Variants in TOPAZ1 observed in about 807,000 individuals in gnomAD.
TOPAZ1 encodes the protein testis and ovary specific TOPAZ 1.
A neutral mutation model predicts 172.2 loss-of-function variants in TOPAZ1; 66 were observed. The observed-to-expected ratio is 0.38, with a 90% confidence interval of 0.31 to 0.47. The LOEUF is 0.47. Ranked by LOEUF, TOPAZ1 falls within the 20% of genes least tolerant of loss-of-function variation. TOPAZ1 has a pLI of 0.99. For synonymous variants in TOPAZ1, 681 were observed against 683.9 expected (o/e 1.00, Z 0.07); for missense variants, 1,822 against 1,972.4 (o/e 0.92, Z 1.44).
chr3:44,273,030 G>A (rs973271818), intron 8 of TOPAZ1, among the ~76,000 whole-genome samples: 2 of 152,110 alleles, frequency 1.3e-5, no homozygotes, highest in Non-Finnish European at 2.9e-5. Flanking sequence ...ATCCTCTAAT[G>A]AGGGACTTAC....
At chr3:44,277,012 C>T (rs1033900354) in intron 8 of TOPAZ1, among the ~76,000 whole-genome samples, 2 of 151,938 alleles carry the variant, frequency 1.3e-5, no homozygotes, top group African/African-American at 2.4e-5. Context: ...AGGATGGTCT[C>T]GCTCTCCTGA....
At chr3:44,253,093 G>A (rs1352873975) in intron 2 of TOPAZ1, among the ~76,000 whole-genome samples, 5 of 152,170 alleles carry the variant, frequency 3.3e-5, no homozygotes, top group Admixed American at 2.0e-4. Flanking sequence ...GCTACAGAAT[G>A]TGCAAAAGCT....
At chr3:44,313,951 C>A (rs1700424738) in intron 16 of TOPAZ1, among the ~76,000 whole-genome samples, 1 of 152,180 alleles carries the variant, frequency 6.6e-6, no homozygotes, top group African/African-American at 2.4e-5. Flanking sequence ...TTATGAAATA[C>A]CCTTGCCAAC....
At chr3:44,334,865 G>C (rs758335808), downstream of TOPAZ1, among the ~76,000 whole-genome samples, 2 of 152,154 alleles carry the variant, frequency 1.3e-5, no homozygotes, top group African/African-American at 2.4e-5. Context: ...GAGCCCTTCT[G>C]ATATCAACAA....
At chr3:44,293,229 TAATA>T (rs1333431679) in intron 12 of TOPAZ1, among the ~76,000 whole-genome samples, 2 of 152,240 alleles carry the variant, frequency 1.3e-5, no homozygotes, top group African/African-American at 2.4e-5. Context: ...TTGATAATGA[TAATA>T]AATTAGTGTT....
At chr3:44,249,217 A>AG (rs1304265157) in intron 2 of TOPAZ1, among the ~76,000 whole-genome samples, 1 of 149,708 alleles carries the variant, frequency 6.7e-6, no homozygotes, top group African/African-American at 2.5e-5. Context: ...CCAAAAATTC[A>AG]GGGGAATTAC....
intron 5 of TOPAZ1, among the ~76,000 whole-genome samples, chr3:44,262,968 A>T (rs929315965): frequency 6.6e-6 from 1 of 152,182 alleles, no homozygotes; most frequent in Non-Finnish European, 1.5e-5. Flanking sequence ...AGGACAGGTG[A>T]TGGATGCATT....
chr3:44,243,383 T>C lies in TOPAZ1; in HGVS notation c.877T>C (p.Leu293=). ...TEENVMGVNK[L]LPEESDLYQS... is the part of the protein sequence containing the mutation. Reference sequence around the variant, plus strand: ...AGAAAATGTAATGGGAGTAAATAAGTTACTACCAGAAGAGAGTGATTTATA... The same window carrying C: ...AGAAAATGTAATGGGAGTAAATAAGCTACTACCAGAAGAGAGTGATTTATA... Residue 293 remains leucine, a synonymous_variant, in exon 2 of 20, where the codon TTA becomes CTA. Coordinates refer to ENST00000309765, the MANE Select transcript of TOPAZ1 (RefSeq NM_001145030.2). 6.4e-7 allele frequency: 1 copy of C among 1,550,920 alleles called. No homozygotes were observed. Among genetic ancestry groups the C allele is most frequent in the East Asian group, 2.4e-5 (1 of 40,890 alleles).
chr3:44,321,695 G>C (rs1246996363), intron 17 of TOPAZ1, among the ~76,000 whole-genome samples: 2 of 152,126 alleles, frequency 1.3e-5, no homozygotes, highest in African/African-American at 4.8e-5. Context: ...AGGTTCAGAG[G>C]ATGACGAAAA....
rs1700093726 is a variant in TOPAZ1 at position 44,287,540 on chromosome 3, G to A, written c.3588G>A (p.Leu1196=). The change falls in exon 10 of 20, where the codon CTG becomes CTA. Residue 1196 remains leucine, a splice_region_variant and synonymous_variant. Transcript: ENST00000309765. ...ACCTCAGCATAATGGTTAAAATGCT[G>A]GTAAGTAGCCTGAAAATATATGTTA... ...IVNLSIMVKM[L]PSLKILLNIF... is the part of the protein sequence containing the mutation. The A allele has an allele frequency of 6.8e-7, 1 of 1,470,598 alleles. No individual in the cohort carries two copies. Among genetic ancestry groups the A allele is most frequent in the Admixed American group, 2.8e-5 (1 of 36,128 alleles). The allele number at this position is 1,470,598 out of a possible 1,614,324, so 91.1% of individuals were successfully genotyped here. A position where few individuals can be genotyped will look rare whatever the true frequency, so the allele number is the denominator to read the frequency against.
At chr3:44,321,621 TCA>T (rs1700506711) in intron 17 of TOPAZ1, among the ~76,000 whole-genome samples, 1 of 152,202 alleles carries the variant, frequency 6.6e-6, no homozygotes, top group Non-Finnish European at 1.5e-5. Flanking sequence ...GAAATGGTAG[TCA>T]GTACTCTTGA....
At chr3:44,264,237 T>C (rs553985773) in intron 5 of TOPAZ1, among the ~76,000 whole-genome samples, 2 of 152,304 alleles carry the variant, frequency 1.3e-5, no homozygotes, top group Admixed American at 1.3e-4. Context: ...GAACAACCTA[T>C]TGGAGATGCT....
chr3:44,327,526 G>A (rs549396442), intron 18 of TOPAZ1, among the ~76,000 whole-genome samples: 1 of 152,254 alleles, frequency 6.6e-6, no homozygotes, highest in South Asian at 2.1e-4. Flanking sequence ...CCTACAGGAT[G>A]GAAATGTATT....
At chr3:44,309,480 T>G (rs1700374389) in intron 15 of TOPAZ1, among the ~76,000 whole-genome samples, 1 of 152,208 alleles carries the variant, frequency 6.6e-6, no homozygotes, top group Admixed American at 6.5e-5. Flanking sequence ...AAACATATAA[T>G]CAGTAGTTTT....
intron 12 of TOPAZ1, among the ~76,000 whole-genome samples, chr3:44,297,964 AAG>A (rs1288749342): frequency 6.6e-6 from 1 of 152,218 alleles, no homozygotes; most frequent in Non-Finnish European, 1.5e-5. Flanking sequence ...ATGCTGATAA[AAG>A]AAATTGAAAG....
chr3:44,258,651 A>C (rs1001101318), intron 4 of TOPAZ1, among the ~76,000 whole-genome samples: 1 of 151,674 alleles, frequency 6.6e-6, no homozygotes, highest in Non-Finnish European at 1.5e-5. Flanking sequence ...TAGTTCATTC[A>C]TTTTTACTGT....
intron 12 of TOPAZ1, among the ~76,000 whole-genome samples, chr3:44,292,888 T>A (rs1700153405): frequency 6.6e-6 from 1 of 152,194 alleles, no homozygotes; most frequent in South Asian, 2.1e-4. Context: ...AGCAACACAA[T>A]CATGAATATT....
At chr3:44,323,035 G>A in intron 17 of TOPAZ1, 57 bp from the exon 18 acceptor site, 1 of 1,204,820 alleles carries the variant, frequency 8.3e-7, no homozygotes, top group Non-Finnish European at 1.1e-6. Context: ...GTATGAGATG[G>A]AGGTTTGAGA....
At chr3:44,334,844 G>C (rs1287243531), downstream of TOPAZ1, among the ~76,000 whole-genome samples, 1 of 152,152 alleles carries the variant, frequency 6.6e-6, no homozygotes, top group Non-Finnish European at 1.5e-5. Context: ...ATTCAGCTAG[G>C]AGGTAATCTG....
Sources: gnomAD v4.1 joint callset for allele counts (sites outside exome capture counted in the v4.1 genomes callset) on GRCh38, gnomAD v4.1.1 for gene constraint, MANE v1.5 for transcripts, NCBI Gene and HGNC (gene_info 2026-07-23, HGNC 2026-07-21) for gene names.